Variants in SLC12A7 observed in about 807,000 individuals in gnomAD.
SLC12A7 encodes solute carrier family 12 member 7.
A neutral mutation model predicts 120.6 loss-of-function variants in SLC12A7; 100 were observed. The observed-to-expected ratio is 0.83, with a 90% confidence interval of 0.71 to 0.98. The LOEUF is 0.98. Ranked by LOEUF, SLC12A7 falls within the 50% of genes least tolerant of loss-of-function variation. SLC12A7 has a pLI of 0.00. For missense variants in SLC12A7, 1,373 were observed against 1,548.1 expected (o/e 0.89, Z 1.90); for synonymous variants, 760 against 678.0 (o/e 1.12, Z -1.88).
At chr5:1,145,504 C>A in the SLC12A7 span, among the ~76,000 whole-genome samples, 6 of 152,230 alleles carry the variant, frequency 3.9e-5, no homozygotes, top group African/African-American at 1.4e-4. The surrounding 1 kb of genome is among the most constrained non-coding windows in gnomAD (Gnocchi z 4.4). Context: ...TGGAATCTGC[C>A]CACAGGAAGT....
Position 1,087,167 on chromosome 5 carries a change from G to A in SLC12A7, c.545-134C>T, listed in dbSNP as rs908064586. 24 of 1,194,742 alleles carry A rather than the reference G, an allele frequency of 2.0e-5. No homozygotes were observed. The East Asian group carries it at 3.1e-4, about 16-fold the overall frequency. 74.0% of individuals were successfully genotyped at this position (1,194,742 alleles called of 1,614,324 possible). A position where few individuals can be genotyped will look rare whatever the true frequency, so the allele number is the denominator to read the frequency against. The stretch of plus-strand genomic sequence containing the variant: ...GCAGCGTGTAGACCCTCGTCCACCC[G>A]CAAAGCAGCACATGGAGACGCTTCC... On this transcript the variant is annotated intron_variant, in intron 5 of 23. Transcript: ENST00000264930.
the SLC12A7 span, among the ~76,000 whole-genome samples, chr5:1,146,475 T>A: frequency 6.6e-6 from 1 of 152,040 alleles, no homozygotes; most frequent in African/African-American, 2.4e-5. The surrounding 1 kb of genome is among the most constrained non-coding windows in gnomAD (Gnocchi z 6.5). Context: ...AAACAAAAAA[T>A]AAAATTCTAA....
chr5:1,111,757 G>A, intron 1 of SLC12A7, 111 bp downstream of exon 1: 1 of 1,059,590 alleles, frequency 9.4e-7, no homozygotes, highest in Non-Finnish European at 1.2e-6. Context: ...GCGCGGGAAG[G>A]GGCGCCTCCT....
At chr5:1,065,506 AC>A in intron 17 of SLC12A7, 28 bp from the exon 18 acceptor site, 2 of 1,536,168 alleles carry the variant, frequency 1.3e-6, no homozygotes, top group Non-Finnish European at 1.8e-6. Flanking sequence ...GGTTGGTGCT[AC>A]AGCAGGAATG....
At chr5:1,054,110 C>T (rs1338538935) in intron 22 of SLC12A7, among the ~76,000 whole-genome samples, 1 of 152,260 alleles carries the variant, frequency 6.6e-6, no homozygotes, top group Non-Finnish European at 1.5e-5. Flanking sequence ...CAGCTGGAGG[C>T]ACAGGCCCTC....
intron 11 of SLC12A7, 33 bp downstream of exon 11, chr5:1,078,668 G>A (rs2150839602): frequency 6.3e-7 from 1 of 1,581,616 alleles, no homozygotes. Flanking sequence ...GAAGACTACA[G>A]GCTTTGCACG....
chr5:1,077,919 TGGA>T lies in SLC12A7; in HGVS notation c.1540_1542del (p.Ser514del), dbSNP rs1374398594. 1.9e-6 allele frequency: 3 copies of T among 1,599,486 alleles called. No homozygotes were observed. The highest frequency in any genetic ancestry group is 2.6e-6 in the Non-Finnish European group (3 of 1,174,036). On this transcript the variant is annotated inframe_deletion, in exon 12 of 24. Coordinates refer to ENST00000264930, the MANE Select transcript of SLC12A7 (RefSeq NM_006598.3). ...AGGCTCTGCAGGCCGGCACCGCAGG[TGGA>T]GAAGAAGGAGCCGATGACGATGACC...
chr5:1,148,694 C>A, the SLC12A7 span, among the ~76,000 whole-genome samples: 1 of 152,176 alleles, frequency 6.6e-6, no homozygotes, highest in Non-Finnish European at 1.5e-5. Context: ...AAAGTGGGTA[C>A]AGGGACACGG....
chr5:1,069,371 C>A (rs543829951), intron 17 of SLC12A7, among the ~76,000 whole-genome samples: 1 of 152,372 alleles, frequency 6.6e-6, no homozygotes, highest in Non-Finnish European at 1.5e-5. Flanking sequence ...GGCCTCAGTG[C>A]GGCTGTGGTT....
intron 3 of SLC12A7, among the ~76,000 whole-genome samples, chr5:1,089,673 T>C (rs1045564441): frequency 6.7e-6 from 1 of 150,334 alleles, no homozygotes; most frequent in Non-Finnish European, 1.5e-5. Flanking sequence ...ACAGCAAAGG[T>C]TCAGATATCC....
At chr5:1,100,869 G>A (rs980276792) in intron 1 of SLC12A7, among the ~76,000 whole-genome samples, 6 of 152,212 alleles carry the variant, frequency 3.9e-5, no homozygotes, top group Admixed American at 6.5e-5. Context: ...TGTCTGTCAC[G>A]TTGGATCCCG....
chr5:1,069,742 G>C (rs544657879), intron 17 of SLC12A7, among the ~76,000 whole-genome samples: 1 of 151,080 alleles, frequency 6.6e-6, no homozygotes, highest in East Asian at 1.9e-4. Context: ...GACGTGACGT[G>C]ATGGGACCCC....
the SLC12A7 span, among the ~76,000 whole-genome samples, chr5:1,123,329 G>A: frequency 0.023 from 3,483 of 152,068 alleles, 52 homozygotes; most frequent in Middle Eastern, 0.034. Flanking sequence ...CAGGGACCCC[G>A]GCTCCGAGGA....
the SLC12A7 span, among the ~76,000 whole-genome samples, chr5:1,132,527 G>A: frequency 2.0e-5 from 3 of 152,088 alleles, no homozygotes; most frequent in Non-Finnish European, 4.4e-5. Flanking sequence ...CCCCTTTCTG[G>A]TAACAGTTCT....
upstream of SLC12A7, among the ~76,000 whole-genome samples, chr5:1,115,304 G>A (rs970231594): frequency 6.6e-5 from 10 of 152,186 alleles, no homozygotes; most frequent in African/African-American, 2.4e-4. Flanking sequence ...CCACCCTGGG[G>A]TGGAGTTTCT....
the SLC12A7 span, among the ~76,000 whole-genome samples, chr5:1,121,837 GCTGTC>G: frequency 6.6e-6 from 1 of 152,190 alleles, no homozygotes; most frequent in Non-Finnish European, 1.5e-5. Context: ...CTCAGGAGGG[GCTGTC>G]CTGTCTTCCT....
the SLC12A7 span, among the ~76,000 whole-genome samples, chr5:1,144,977 A>G: frequency 6.6e-6 from 1 of 152,242 alleles, no homozygotes; most frequent in Non-Finnish European, 1.5e-5. Flanking sequence ...AAGGAAGTGC[A>G]GCACCCACAG....
chr5:1,117,800 G>A, the SLC12A7 span, among the ~76,000 whole-genome samples: 65 of 152,308 alleles, frequency 4.3e-4, no homozygotes, highest in South Asian at 0.011. The surrounding 1 kb of genome is among the most constrained non-coding windows in gnomAD (Gnocchi z 4.5). Context: ...TGCCGGGCGC[G>A]GTAGCTCACG....
intron 17 of SLC12A7, among the ~76,000 whole-genome samples, chr5:1,068,675 C>A (rs1195802151): frequency 6.6e-6 from 1 of 151,146 alleles, no homozygotes; most frequent in Non-Finnish European, 1.5e-5. Context: ...CTCCCGTCCG[C>A]AAGAGCGGGC....
Sources: allele counts gnomAD v4.1 joint callset (sites outside exome capture counted in the v4.1 genomes callset), GRCh38; gene constraint gnomAD v4.1.1; non-coding constraint Gnocchi (gnomAD v3.1); transcripts MANE v1.5; gene names NCBI Gene and HGNC (gene_info 2026-07-23, HGNC 2026-07-21).